The following ANKMY2 variants were observed in gnomAD, a reference collection of about 807,000 sequenced individuals.
ANKMY2 encodes the protein ankyrin repeat and MYND domain containing 2.
In ANKMY2, 36 loss-of-function variants were observed where a neutral mutation model predicts 50.4. The observed-to-expected ratio is 0.71, with a 90% CI of 0.55 to 0.94. ANKMY2 has a LOEUF of 0.94. Ranked by LOEUF, ANKMY2 falls within the 40% of genes least tolerant of loss-of-function variation. The pLI is 0.00. For synonymous variants in ANKMY2, 187 were observed against 178.8 expected, an observed-to-expected ratio of 1.05 and a Z score of -0.36; for missense variants, 565 against 524.0, an observed-to-expected ratio of 1.08 and a Z score of -0.76.
intron 1 of ANKMY2, among the ~76,000 whole-genome samples, chr7:16,639,159 C>G (rs1454504807): frequency 6.6e-6 from 1 of 152,120 alleles, no homozygotes; most frequent in Non-Finnish European, 1.5e-5. Flanking sequence ...TATAGAAGGT[C>G]CAGAATAGCA....
At chr7:16,605,686 T>G (rs1264607606) in intron 7 of ANKMY2, among the ~76,000 whole-genome samples, 1 of 137,630 alleles carries the variant, frequency 7.3e-6, no homozygotes, top group East Asian at 2.0e-4. Context: ...TTTTTTTTTT[T>G]TTTTTTTTTT....
intron 1 of ANKMY2, among the ~76,000 whole-genome samples, chr7:16,644,169 A>C (rs1247065291): frequency 3.3e-5 from 5 of 152,204 alleles, no homozygotes; most frequent in Non-Finnish European, 5.9e-5. Context: ...TGTTTGCTTA[A>C]TTGAATCCCA....
At chr7:16,627,711 AT>A (rs142427903) in intron 2 of ANKMY2, among the ~76,000 whole-genome samples, 1,805 of 152,320 alleles carry the variant, frequency 0.012, 39 homozygotes, top group African/African-American at 0.041. Flanking sequence ...CAGTGGTATC[AT>A]TTTTTAAAAC....
chr7:16,602,314 G>C, intron 9 of ANKMY2, 66 bp downstream of exon 9: 1 of 1,566,060 alleles, frequency 6.4e-7, no homozygotes, highest in Non-Finnish European at 8.6e-7. Flanking sequence ...GTTTCAGTGT[G>C]TTAAGATCAC....
In ANKMY2 at chr7:16,615,778, T is replaced by C. The variant is rs998352729; in HGVS notation, c.497A>G (p.Lys166Arg). ...ATGAAGATTCGTTGTGGTGATAATT[T>C]TGTGCAGCGGGCCTGCCAACTTTGG... is the stretch of plus-strand genomic sequence containing the variant. ...LPPKLAGPLH[K>R]IITTTNLHPV... is the part of the protein sequence containing the mutation. The change falls in exon 5 of 10, where the codon AAA (lysine) becomes AGA (arginine). Residue 166 changes from lysine (K) to arginine (R), a missense_variant. Lys to Arg is a conservative substitution (Grantham distance 26). Transcript: ENST00000306999. 5 of 1,614,104 alleles carry C rather than the reference T, an allele frequency of 3.1e-6. No homozygotes were observed. The African/African-American group carries it at 5.3e-5, about 17-fold the overall frequency.
In ANKMY2 at chr7:16,609,401, G is replaced by A. The variant is rs190854670; in HGVS notation, c.882+229C>T. Among the ~76,000 whole-genome samples, 110 of 152,294 alleles carry A rather than the reference G, an allele frequency of 7.2e-4. No homozygotes were observed. The Middle Eastern group carries it at 0.027, about 38-fold the overall frequency. The stretch of plus-strand genomic sequence containing the variant: ...CCCTAACCATCTACATTTCAACATA[G>A]CGACGTCCTGTTTATGAAACTATGA... On this transcript the variant is annotated intron_variant, in intron 7 of 9. Coordinates refer to ENST00000306999, the MANE Select transcript of ANKMY2 (RefSeq NM_020319.3).
At chr7:16,641,158 T>C (rs997019438) in intron 1 of ANKMY2, among the ~76,000 whole-genome samples, 1 of 152,038 alleles carries the variant, frequency 6.6e-6, no homozygotes, top group Non-Finnish European at 1.5e-5. Flanking sequence ...TGCTTGAACT[T>C]GGGAGGCAGA....
chr7:16,610,475 A>G, intron 6 of ANKMY2, 74 bp downstream of exon 6: 1 of 1,257,264 alleles, frequency 8.0e-7, no homozygotes, highest in Non-Finnish European at 1.1e-6. Flanking sequence ...TTTGAAACAC[A>G]TAATAATGAG....
At chr7:16,602,998 CT>C (rs1242812617) in intron 8 of ANKMY2, among the ~76,000 whole-genome samples, 1 of 152,342 alleles carries the variant, frequency 6.6e-6, no homozygotes, top group East Asian at 1.9e-4. Context: ...CATTAAACCT[CT>C]TTTCTTTATA....
intron 8 of ANKMY2, among the ~76,000 whole-genome samples, chr7:16,602,882 T>G (rs1400965913): frequency 6.6e-6 from 1 of 152,204 alleles, no homozygotes; most frequent in African/African-American, 2.4e-5. Flanking sequence ...GTGACATGCC[T>G]GCTCCCCCTT....
At chr7:16,636,572 AG>A (rs1338706274) in intron 1 of ANKMY2, 117 bp from the exon 2 acceptor site, 1 of 642,018 alleles carries the variant, frequency 1.6e-6, no homozygotes, top group African/African-American at 1.9e-5. Context: ...TAGTCAGTGT[AG>A]GTTGCTAAGA....
In ANKMY2 at chr7:16,645,649, G is replaced by T. The variant is rs1781830108; in HGVS notation, c.-76C>A. Reference sequence around the variant, plus strand: ...GAAACGATGCGTCTGTATTGGGAACGCCAGCCGCAATGAGGCAACTTGAGA... The same window carrying T: ...GAAACGATGCGTCTGTATTGGGAACTCCAGCCGCAATGAGGCAACTTGAGA... On this transcript the variant is annotated 5_prime_UTR_variant, in exon 1 of 10. Coordinates refer to ENST00000306999, the MANE Select transcript of ANKMY2 (RefSeq NM_020319.3). 15 of 1,498,770 alleles carry T rather than the reference G, an allele frequency of 1.0e-5. No homozygotes were observed. The highest frequency in any genetic ancestry group is 1.4e-5 in the Non-Finnish European group (15 of 1,110,060). The allele number at this position is 1,498,770 out of a possible 1,614,324, so 92.8% of individuals were successfully genotyped here. A position where few individuals can be genotyped will look rare whatever the true frequency, so the allele number is the denominator to read the frequency against.
At chr7:16,612,447 C>A (rs1022928911) in intron 5 of ANKMY2, among the ~76,000 whole-genome samples, 1 of 152,132 alleles carries the variant, frequency 6.6e-6, no homozygotes, top group Admixed American at 6.5e-5. Flanking sequence ...TTATTGATAA[C>A]TCTCTCTACC....
chr7:16,637,912 T>G (rs1328770294), intron 1 of ANKMY2, among the ~76,000 whole-genome samples: 2 of 152,102 alleles, frequency 1.3e-5, no homozygotes, highest in African/African-American at 4.8e-5. Context: ...ATGGGAAGAG[T>G]AGAATGGGGA....
At chr7:16,604,449 T>C (rs1781120654) in intron 8 of ANKMY2, among the ~76,000 whole-genome samples, 1 of 152,230 alleles carries the variant, frequency 6.6e-6, no homozygotes, top group Non-Finnish European at 1.5e-5. Context: ...TATTTTCTCA[T>C]ATTCATTCAT....
intron 1 of ANKMY2, chr7:16,644,582 A>G (rs1029588097): frequency 1.4e-5 from 6 of 421,334 alleles, no homozygotes; most frequent in Admixed American, 1.4e-4. Context: ...TGGCTATATT[A>G]TTATTGAGTT....
rs138222357 is a variant in ANKMY2 at position 16,622,348 on chromosome 7, C to T, written c.370+2635G>A. 3.6e-3 allele frequency among the ~76,000 whole-genome samples: 549 copies of T among 152,324 alleles called. 1 individual carries two copies. Among genetic ancestry groups the T allele is most frequent in the African/African-American group, 0.013 (521 of 41,576 alleles). On this transcript the variant is annotated intron_variant, in intron 4 of 9. Transcript: ENST00000306999. ...AGTTCACAATGTACCATCTTTTTAA[C>T]TATCAGAGTGGCAAAAATCAAAGAA...
intron 7 of ANKMY2, among the ~76,000 whole-genome samples, chr7:16,608,972 G>A (rs1781203097): frequency 6.6e-6 from 1 of 152,186 alleles, no homozygotes; most frequent in South Asian, 2.1e-4. Flanking sequence ...CTGCACTCCA[G>A]CCTAGGCGAC....
chr7:16,637,148 G>A lies in ANKMY2; in HGVS notation c.68-693C>T, dbSNP rs1781674430. ...GGAGAGAATGTTGCTATTATCATTA[G>A]TACAAGCCAGCCACACATTTTGCCA... On this transcript the variant is annotated intron_variant, in intron 1 of 9. Transcript: ENST00000306999. Among the ~76,000 whole-genome samples, 3 of 152,162 alleles carry A rather than the reference G, an allele frequency of 2.0e-5. No individual in the cohort carries two copies. In the South Asian group the frequency reaches 6.2e-4, roughly 32 times the overall value.
Sources: allele counts gnomAD v4.1 joint callset (sites outside exome capture counted in the v4.1 genomes callset), GRCh38; gene constraint gnomAD v4.1.1; transcripts MANE v1.5; gene names NCBI Gene and HGNC (gene_info 2026-07-23, HGNC 2026-07-21).